The following STK3 variants were observed in gnomAD, a reference collection of about 807,000 sequenced individuals.
The protein encoded by STK3 is serine/threonine-protein kinase 3.
STK3 carries 41 observed loss-of-function variants against 58.0 expected under a neutral mutation model. The observed-to-expected ratio is 0.71, with a 90% CI of 0.55 to 0.92. The LOEUF is 0.92. Ranked by LOEUF, STK3 falls within the 40% of genes least tolerant of loss-of-function variation. The pLI, the probability that STK3 is intolerant of heterozygous loss-of-function variation, is 0.00. For missense variants in STK3, 479 were observed against 602.7 expected (o/e 0.79, Z 2.15); for synonymous variants, 170 against 191.0 (o/e 0.89, Z 0.91).
chr8:98,919,001 G>A (rs1839448791), intron 1 of STK3, among the ~76,000 whole-genome samples: 1 of 151,800 alleles, frequency 6.6e-6, no homozygotes, highest in African/African-American at 2.4e-5. Context: ...AGGGAGATGG[G>A]CTCAAAACAG....
chr8:98,858,323 T>G (rs3019292), intron 3 of STK3, among the ~76,000 whole-genome samples: 7,714 of 16,540 alleles, frequency 0.47, 2,112 homozygotes, highest in Non-Finnish European at 0.52. Flanking sequence ...TATATATATA[T>G]AGAGAGAGAG....
intron 1 of STK3, among the ~76,000 whole-genome samples, chr8:98,907,780 G>A (rs1461086099): frequency 3.3e-5 from 5 of 152,192 alleles, no homozygotes; most frequent in African/African-American, 1.2e-4. Context: ...CCCCAATTGT[G>A]TCATAAAGTT....
In STK3 at chr8:98,825,633, A is replaced by G. The variant is rs2131758995; in HGVS notation, c.-93T>C. 2 of 1,272,572 alleles carry G rather than the reference A, an allele frequency of 1.6e-6. No homozygotes were observed. The highest frequency in any genetic ancestry group is 2.0e-6 in the Non-Finnish European group (2 of 998,460). The allele number at this position is 1,272,572 out of a possible 1,614,324, so 78.8% of individuals were successfully genotyped here. ...ACCGGCCGGCCGAGCCTAGGGCACC[A>G]CAGAGGGAAACTCTGGGAACTCGGA... On this transcript the variant is annotated 5_prime_UTR_variant, in exon 1 of 11. Coordinates refer to ENST00000419617, the MANE Select transcript of STK3 (RefSeq NM_006281.4).
At chr8:98,372,016 G>A (rs1034227034) in intron 2 of STK3, among the ~76,000 whole-genome samples, 2 of 152,158 alleles carry the variant, frequency 1.3e-5, no homozygotes, top group Non-Finnish European at 2.9e-5. Context: ...TATGACTAGT[G>A]CCCTTTTAAG....
chr8:98,885,600 G>A (rs1837959112), intron 1 of STK3, among the ~76,000 whole-genome samples: 1 of 151,990 alleles, frequency 6.6e-6, no homozygotes, highest in African/African-American at 2.4e-5. Flanking sequence ...CCACCAGGCC[G>A]GCTAATTTTT....
chr8:98,518,269 G>T (rs943971822), intron 10 of STK3, among the ~76,000 whole-genome samples: 1 of 151,976 alleles, frequency 6.6e-6, no homozygotes, highest in African/African-American at 2.4e-5. Flanking sequence ...TTAACTTAAG[G>T]TATTAATTAC....
intron 1 of STK3, among the ~76,000 whole-genome samples, chr8:98,895,127 G>A (rs1244738093): frequency 6.6e-6 from 1 of 152,184 alleles, no homozygotes; most frequent in Non-Finnish European, 1.5e-5. Flanking sequence ...AGACACAGAT[G>A]TTTATCTGCT....
rs527784864 is a variant in STK3, at chr8:98,789,353, G to A, written c.27-14534C>T. 1.9e-4 allele frequency among the ~76,000 whole-genome samples: 29 copies of A among 152,016 alleles called. 1 individual carries two copies. The highest frequency in any genetic ancestry group is 1.0e-3 in the Admixed American group (16 of 15,258). On this transcript the variant is annotated intron_variant, in intron 1 of 10. Coordinates refer to ENST00000419617, the MANE Select transcript of STK3 (RefSeq NM_006281.4). ...TAAGGCCACACCTCAAGGACCTAGA[G>A]AACCAAGAACAAACCAAACCCAAAC...
chr8:98,886,984 G>T (rs1199623260), intron 1 of STK3, among the ~76,000 whole-genome samples: 1 of 152,092 alleles, frequency 6.6e-6, no homozygotes, highest in Non-Finnish European at 1.5e-5. Context: ...TGTAATCCCA[G>T]CTACTTGGGA....
At chr8:98,442,569 T>A (rs1002543140) in intron 1 of STK3, among the ~76,000 whole-genome samples, 2 of 152,256 alleles carry the variant, frequency 1.3e-5, no homozygotes, top group Non-Finnish European at 2.9e-5. Flanking sequence ...TACATCTGCA[T>A]GTGTGCTGAA....
chr8:98,347,942 A>T, the STK3 span, among the ~76,000 whole-genome samples: 3 of 152,332 alleles, frequency 2.0e-5, no homozygotes, highest in Admixed American at 2.0e-4. Context: ...GAGGCAAAAG[A>T]CCCAGAATAG....
At chr8:98,900,253 T>C (rs1467856831) in intron 1 of STK3, among the ~76,000 whole-genome samples, 1 of 152,108 alleles carries the variant, frequency 6.6e-6, no homozygotes, top group African/African-American at 2.4e-5. Context: ...ATTTTTGTTT[T>C]TTTAGTAGAG....
At chr8:98,809,483 T>C (rs1194618258) in intron 1 of STK3, among the ~76,000 whole-genome samples, 1 of 152,220 alleles carries the variant, frequency 6.6e-6, no homozygotes, top group African/African-American at 2.4e-5. Flanking sequence ...CAAAATTCTA[T>C]ACCCATTAAA....
At chr8:98,827,062 G>A (rs1200437375), upstream of STK3, among the ~76,000 whole-genome samples, 1 of 135,270 alleles carries the variant, frequency 7.4e-6, no homozygotes, top group South Asian at 2.5e-4. Context: ...TGGGCCGGGC[G>A]CGGTGGCTCA....
At chr8:98,466,119 T>C (rs1005808302) in intron 10 of STK3, among the ~76,000 whole-genome samples, 2 of 152,210 alleles carry the variant, frequency 1.3e-5, no homozygotes, top group African/African-American at 4.8e-5. Flanking sequence ...CTTTGAATAG[T>C]TTAAAACACC....
At chr8:98,506,913 G>A (rs1824131663) in intron 10 of STK3, among the ~76,000 whole-genome samples, 3 of 152,220 alleles carry the variant, frequency 2.0e-5, no homozygotes, top group Admixed American at 6.5e-5. Flanking sequence ...GTTTAGCCCC[G>A]TTAAGATTTA....
intron 3 of STK3, among the ~76,000 whole-genome samples, chr8:98,763,843 T>C (rs1487164860): frequency 6.6e-6 from 1 of 152,156 alleles, no homozygotes; most frequent in Non-Finnish European, 1.5e-5. Context: ...CAGCTAATTT[T>C]TATATCTATT....
intron 3 of STK3, among the ~76,000 whole-genome samples, chr8:98,421,473 C>T (rs1006491366): frequency 6.6e-6 from 1 of 152,160 alleles, no homozygotes; most frequent in Non-Finnish European, 1.5e-5. Flanking sequence ...TCAAACTTCT[C>T]TTAATTATTC....
intron 3 of STK3, among the ~76,000 whole-genome samples, chr8:98,751,541 CA>C (rs1399284985): frequency 2.6e-5 from 4 of 152,056 alleles, no homozygotes; most frequent in Non-Finnish European, 5.9e-5. Context: ...AGGAAGACAG[CA>C]AACTAGGGAG....
Sources: gnomAD v4.1 joint callset for allele counts (sites outside exome capture counted in the v4.1 genomes callset) on GRCh38, gnomAD v4.1.1 for gene constraint, MANE v1.5 for transcripts, NCBI Gene and HGNC (gene_info 2026-07-23, HGNC 2026-07-21) for gene names.